Variants in KIAA1217 observed in about 807,000 individuals in gnomAD.
KIAA1217 encodes sickle tail protein homolog.
In KIAA1217, 88 loss-of-function variants were observed where a neutral mutation model predicts 163.9. The observed-to-expected ratio is 0.54, with a 90% CI of 0.45 to 0.64. The LOEUF (loss-of-function observed/expected upper bound fraction) is 0.64, where lower values mean the gene tolerates loss of function less well. Among genes scored for constraint, KIAA1217 ranks in the 30% least tolerant of loss-of-function variants. The pLI, the probability that KIAA1217 is intolerant of heterozygous loss-of-function variation, is 0.00. For missense variants in KIAA1217, 2,372 were observed against 2,475.0 expected (o/e 0.96, Z 0.88); for synonymous variants, 903 against 923.1 (o/e 0.98, Z 0.39).
chr10:23,886,506 A>G (rs1219075388), intron 1 of KIAA1217, among the ~76,000 whole-genome samples: 1 of 152,000 alleles, frequency 6.6e-6, no homozygotes, highest in African/African-American at 2.4e-5. Flanking sequence ...AGATTAGGGT[A>G]TCAGACGGAG....
At chr10:23,824,615 T>G (rs1588893700) in intron 1 of KIAA1217, among the ~76,000 whole-genome samples, 1 of 91,182 alleles carries the variant, frequency 1.1e-5, no homozygotes, top group Non-Finnish European at 2.0e-5. Flanking sequence ...GCAACAAGAG[T>G]GAAACTCTGT....
intron 17 of KIAA1217, among the ~76,000 whole-genome samples, chr10:24,540,265 G>A (rs1320390468): frequency 1.3e-5 from 2 of 152,090 alleles, no homozygotes; most frequent in South Asian, 2.1e-4. Flanking sequence ...ACCGAGTCTC[G>A]CTCTCTCGCC....
intron 1 of KIAA1217, among the ~76,000 whole-genome samples, chr10:24,211,516 C>T (rs1188174127): frequency 6.6e-6 from 1 of 150,730 alleles, no homozygotes; most frequent in East Asian, 1.9e-4. Flanking sequence ...ACTACTGGGA[C>T]ATGCCACCAT....
chr10:23,876,865 C>T (rs1421818349), intron 1 of KIAA1217, among the ~76,000 whole-genome samples: 1 of 151,794 alleles, frequency 6.6e-6, no homozygotes. Flanking sequence ...TATTTGATGA[C>T]AACAATAAAG....
At chr10:24,538,240 G>A (rs1006217250) in intron 17 of KIAA1217, among the ~76,000 whole-genome samples, 1 of 152,122 alleles carries the variant, frequency 6.6e-6, no homozygotes. Flanking sequence ...TTGCCAAGGA[G>A]GCCAGCTTGC....
At chr10:23,840,306 C>T (rs1838709860) in intron 1 of KIAA1217, among the ~76,000 whole-genome samples, 1 of 152,072 alleles carries the variant, frequency 6.6e-6, no homozygotes, top group African/African-American at 2.4e-5. Flanking sequence ...CAGATGCCTG[C>T]CACCAAACCC....
intron 1 of KIAA1217, among the ~76,000 whole-genome samples, chr10:23,746,944 G>T (rs1839447967): frequency 6.6e-6 from 1 of 152,136 alleles, no homozygotes; most frequent in African/African-American, 2.4e-5. Flanking sequence ...AGATGGCAAA[G>T]GAAGGATTAA....
intron 1 of KIAA1217, among the ~76,000 whole-genome samples, chr10:23,914,372 T>C (rs773004487): frequency 3.9e-5 from 6 of 152,180 alleles, no homozygotes; most frequent in Non-Finnish European, 7.4e-5. Flanking sequence ...TGGAGTGTAG[T>C]GGCACAGTCA....
intron 3 of KIAA1217, among the ~76,000 whole-genome samples, chr10:24,391,777 A>G (rs2055025120): frequency 6.6e-6 from 1 of 152,202 alleles, no homozygotes; most frequent in African/African-American, 2.4e-5. Context: ...AGTAACTGGA[A>G]AGGTAACATA....
At position 24,380,898 on chromosome 10, in the gene KIAA1217, T is replaced by C; in HGVS notation, c.384T>C (p.Pro128=). 2 of 1,590,486 alleles carry C rather than the reference T, an allele frequency of 1.3e-6. No individual in the cohort carries two copies. Among genetic ancestry groups the C allele is most frequent in the Non-Finnish European group, 1.7e-6 (2 of 1,167,378 alleles). The change falls in exon 3 of 21, where the codon CCT becomes CCC. Residue 128 remains proline (P), a synonymous_variant. Transcript: ENST00000376454. ...QTRSPKLSHS[P]QPPSLGDPVE... ...GGAGCCCCAAACTGTCTCACAGTCC[T>C]CAACCACCCAGTCTGGGTGACCCGG...
intron 1 of KIAA1217, among the ~76,000 whole-genome samples, chr10:23,749,477 G>A (rs1323075154): frequency 6.6e-6 from 1 of 151,806 alleles, no homozygotes; most frequent in Non-Finnish European, 1.5e-5. Context: ...GCGCCATCTT[G>A]GCTCACTGCA....
At chr10:23,908,472 C>T (rs538790190) in intron 1 of KIAA1217, among the ~76,000 whole-genome samples, 17 of 152,092 alleles carry the variant, frequency 1.1e-4, no homozygotes, top group South Asian at 2.1e-4. Context: ...TCTTGTTCCT[C>T]GGCTCACCCC....
intron 2 of KIAA1217, among the ~76,000 whole-genome samples, chr10:24,280,809 CAAAA>C (rs71281596): frequency 2.8e-5 from 3 of 106,264 alleles, no homozygotes; most frequent in African/African-American, 7.1e-5. Context: ...GACTCCGTCT[CAAAA>C]AAAAAAAAAA....
chr10:24,201,931 A>T (rs1015835708), intron 2 of KIAA1217, among the ~76,000 whole-genome samples: 1 of 151,078 alleles, frequency 6.6e-6, no homozygotes, highest in Non-Finnish European at 1.5e-5. Flanking sequence ...ATCACCCCTG[A>T]TCCTCCTATC....
chr10:23,826,426 G>A (rs1237636020), intron 1 of KIAA1217, among the ~76,000 whole-genome samples: 1 of 152,136 alleles, frequency 6.6e-6, no homozygotes, highest in African/African-American at 2.4e-5. Context: ...GGTAGCATGT[G>A]CCTGCAGTCA....
At chr10:24,510,968 A>G (rs1288005464) in intron 9 of KIAA1217, among the ~76,000 whole-genome samples, 3 of 152,042 alleles carry the variant, frequency 2.0e-5, no homozygotes, top group Non-Finnish European at 4.4e-5. Context: ...TTCTGCTAAT[A>G]TGCCAGACAC....
chr10:24,527,324 G>T (rs1021644301), intron 13 of KIAA1217, among the ~76,000 whole-genome samples: 20 of 147,558 alleles, frequency 1.4e-4, no homozygotes, highest in Admixed American at 4.0e-4. Flanking sequence ...TTTAGGCTGG[G>T]CATGGTGGCT....
chr10:24,315,706 C>T (rs61632727), intron 2 of KIAA1217, among the ~76,000 whole-genome samples: 1 of 151,686 alleles, frequency 6.6e-6, no homozygotes. Context: ...GAGCTGTGAT[C>T]GTGCCACTGC....
chr10:24,205,768 G>A (rs889560387), upstream of KIAA1217, among the ~76,000 whole-genome samples: 7 of 124,208 alleles, frequency 5.6e-5, no homozygotes, highest in Admixed American at 5.6e-4. Flanking sequence ...GCAAGATGCT[G>A]TCTCAAAAAA....
Sources: allele counts gnomAD v4.1 joint callset (sites outside exome capture counted in the v4.1 genomes callset), GRCh38; gene constraint gnomAD v4.1.1; transcripts MANE v1.5; gene names NCBI Gene and HGNC (gene_info 2026-07-23, HGNC 2026-07-21).